Variants in ZNF701 observed in about 807,000 individuals in gnomAD.
ZNF701 encodes zinc finger protein 701.
ZNF701 carries 6 observed loss-of-function variants against 7.1 expected under a neutral mutation model. That is an observed-to-expected ratio of 0.84 (90% CI 0.46 to 1.66). ZNF701 has a LOEUF of 1.66. Among genes scored for constraint, ZNF701 ranks in the 40% most tolerant of loss-of-function variants. The probability of loss-of-function intolerance (pLI) is 0.01; values close to 1 mark genes in which losing one functional copy is unlikely to be tolerated. For missense variants in ZNF701, 541 were observed against 559.2 expected, an observed-to-expected ratio of 0.97 and a Z score of 0.33; for synonymous variants, 166 against 188.2, an observed-to-expected ratio of 0.88 and a Z score of 0.97.
At chr19:52,572,061 G>T (rs983863558) in intron 1 of ZNF701, among the ~76,000 whole-genome samples, 2 of 152,070 alleles carry the variant, frequency 1.3e-5, no homozygotes, top group Admixed American at 6.6e-5. Flanking sequence ...GACCTCAGGT[G>T]ATCTGCCCAC....
chr19:52,582,118 T>G, intron 3 of ZNF701, 84 bp from the exon 4 acceptor site: 1 of 1,223,626 alleles, frequency 8.2e-7, no homozygotes. Flanking sequence ...AAATAAGTAT[T>G]GTTTTTTATG....
chr19:52,581,439 C>T (rs932864948), intron 3 of ZNF701, among the ~76,000 whole-genome samples: 1 of 151,968 alleles, frequency 6.6e-6, no homozygotes, highest in African/African-American at 2.4e-5. Context: ...AGGCTGGTCT[C>T]GAACTCCTGA....
At chr19:52,578,718 A>T (rs1359530905) in intron 3 of ZNF701, among the ~76,000 whole-genome samples, 1 of 152,182 alleles carries the variant, frequency 6.6e-6, no homozygotes, top group Middle Eastern at 3.2e-3. Context: ...AATGGTTTAA[A>T]CATGATTCCA....
the ZNF701 span, among the ~76,000 whole-genome samples, chr19:52,599,330 A>C: frequency 3.9e-5 from 6 of 152,332 alleles, no homozygotes; most frequent in African/African-American, 1.4e-4. Flanking sequence ...AGGAAATTAA[A>C]TAATTCAAAC....
chr19:52,593,893 G>C, the ZNF701 span, among the ~76,000 whole-genome samples: 220 of 116,836 alleles, frequency 1.9e-3, 55 homozygotes, highest in Admixed American at 9.4e-3. Flanking sequence ...AGGCAGAGAC[G>C]CTCCTCACTT....
chr19:52,576,124 A>C, intron 3 of ZNF701, 103 bp downstream of exon 3: 4 of 1,588,424 alleles, frequency 2.5e-6, no homozygotes. Flanking sequence ...CTAAAATGGA[A>C]GCCGTATTGA....
chr19:52,593,480 C>A, the ZNF701 span, among the ~76,000 whole-genome samples: 1 of 112,774 alleles, frequency 8.9e-6, no homozygotes, highest in Non-Finnish European at 1.9e-5. Flanking sequence ...CCAGTAGGGG[C>A]GGCTGGGTAG....
rs777881397 is a variant in ZNF701, at chr19:52,574,088, A to G, written c.-60A>G. On this transcript the variant is annotated 5_prime_UTR_variant, in exon 2 of 4. Transcript: ENST00000391785. ...TTTCTAACATTCAGGATTGACTTCT[A>G]AAGACTTGGTACGTGAGGAAAAAAC... is the stretch of plus-strand genomic sequence containing the variant. The G allele has an allele frequency of 2.5e-6, 4 of 1,612,138 alleles. No homozygotes were observed. Among genetic ancestry groups the G allele is most frequent in the Admixed American group, 3.3e-5 (2 of 59,962 alleles).
At chr19:52,572,827 C>G (rs2059909717) in intron 1 of ZNF701, 1 of 432,970 alleles carries the variant, frequency 2.3e-6, no homozygotes, top group Admixed American at 2.5e-5. Context: ...TCATGACTCC[C>G]TCTGCCCCAG....
chr19:52,572,372 A>G, intron 1 of ZNF701: 2 of 1,288,970 alleles, frequency 1.6e-6, no homozygotes, highest in Non-Finnish European at 2.0e-6. Context: ...TTTGAAGGTA[A>G]CTAGCTGTGT....
chr19:52,577,499 A>C (rs1361520103), intron 3 of ZNF701, among the ~76,000 whole-genome samples: 1 of 150,858 alleles, frequency 6.6e-6, no homozygotes, highest in East Asian at 1.9e-4. Context: ...ACAATTATCA[A>C]TCATTAGCTT....
At chr19:52,599,765 C>G in the ZNF701 span, among the ~76,000 whole-genome samples, 94 of 152,238 alleles carry the variant, frequency 6.2e-4, no homozygotes, top group Middle Eastern at 0.014. Context: ...ATCATATATT[C>G]TAAATTTTAT....
the ZNF701 span, chr19:52,596,647 A>C: frequency 2.2e-6 from 1 of 445,002 alleles, no homozygotes; most frequent in Non-Finnish European, 4.6e-6. Context: ...GTTTTCCACC[A>C]TGATTTATGC....
In ZNF701 at chr19:52,586,064, T is replaced by TG. The variant is rs570170299; in HGVS notation, c.*2611dup. On this transcript the variant is annotated 3_prime_UTR_variant, in exon 4 of 4. Coordinates refer to ENST00000391785, the MANE Select transcript of ZNF701 (RefSeq NM_018260.3). ...TTTGTTTTTGTTTTTTTGATGGAGATGGGGTCTTACTCTGCTGCGCAGGCC... is the reference window on the plus strand; with the variant it reads ...TTTGTTTTTGTTTTTTTGATGGAGATGGGGGTCTTACTCTGCTGCGCAGGCC... 2 of 152,438 alleles carry TG rather than the reference T, an allele frequency of 1.3e-5. No homozygotes were observed. The highest frequency in any genetic ancestry group is 3.9e-4 in the East Asian group (2 of 5,126). 9.4% of individuals were successfully genotyped at this position (152,438 alleles called of 1,614,324 possible).
chr19:52,571,549 G>A lies in ZNF701; in HGVS notation c.-72+1219G>A, dbSNP rs368974027. ...TAATTTTTGTATTTTTAGTAGAGAC[G>A]GGGTTTCACCATGTTGGCCAGGCTG... is the stretch of plus-strand genomic sequence containing the variant. On this transcript the variant is annotated intron_variant, in intron 1 of 3. Transcript: ENST00000391785. Among the ~76,000 whole-genome samples the A allele has an allele frequency of 1.8e-4, 27 of 152,098 alleles. No homozygotes were observed. In the East Asian group the frequency reaches 4.7e-3, roughly 26 times the overall value.
rs942678983 is a variant in ZNF701, at chr19:52,586,987, A to C, written c.*3530A>C. The C allele has an allele frequency of 6.6e-6, 1 of 152,090 alleles. No individual in the cohort carries two copies. Among genetic ancestry groups the C allele is most frequent in the African/African-American group, 2.4e-5 (1 of 41,396 alleles). The allele number at this position is 152,090 out of a possible 1,614,324, so 9.4% of individuals were successfully genotyped here. A position where few individuals can be genotyped will look rare whatever the true frequency, so the allele number is the denominator to read the frequency against. Reference sequence around the variant, plus strand: ...CAATCCTGTGTGCAGTTGTCTCCGCAGCTCTCTGCTGGGACATCAAACAGG... The same window carrying C: ...CAATCCTGTGTGCAGTTGTCTCCGCCGCTCTCTGCTGGGACATCAAACAGG... On this transcript the variant is annotated 3_prime_UTR_variant, in exon 4 of 4. Transcript: ENST00000391785.
At chr19:52,573,760 A>G (rs550075367) in intron 1 of ZNF701, among the ~76,000 whole-genome samples, 1 of 151,896 alleles carries the variant, frequency 6.6e-6, no homozygotes, top group South Asian at 2.1e-4. Context: ...CAAGCGATGT[A>G]CCCACCTTGG....
At chr19:52,594,812 C>T in the ZNF701 span, among the ~76,000 whole-genome samples, 417 of 152,284 alleles carry the variant, frequency 2.7e-3, 3 homozygotes, top group African/African-American at 9.7e-3. Flanking sequence ...CGCACCTGGC[C>T]CGTTCTGGTT....
rs773538671 is a variant in ZNF701 at position 52,582,959 on chromosome 19, T to C, written c.900T>C (p.Cys300=). Residue 300 remains cysteine (C), a synonymous_variant, in exon 4 of 4, where the codon TGT becomes TGC. Coordinates refer to ENST00000391785, the MANE Select transcript of ZNF701 (RefSeq NM_018260.3). ...ATACTGGAGAGAAACCTTACAAGTG[T>C]AATGAATGTGGCAAGGTTTTTAATC... is the stretch of plus-strand genomic sequence containing the variant. ...AIHTGEKPYK[C]NECGKVFNQQ... is the part of the protein sequence containing the mutation. The C allele has an allele frequency of 6.2e-7, 1 of 1,614,096 alleles. No individual in the cohort carries two copies. The highest frequency in any genetic ancestry group is 1.1e-5 in the South Asian group (1 of 91,076).
Sources: allele counts gnomAD v4.1 joint callset (sites outside exome capture counted in the v4.1 genomes callset), GRCh38; gene constraint gnomAD v4.1.1; transcripts MANE v1.5; gene names NCBI Gene and HGNC (gene_info 2026-07-23, HGNC 2026-07-21).